Variants in IL3RA observed in about 807,000 individuals in gnomAD.
The protein encoded by IL3RA is interleukin 3 receptor subunit alpha, also known as interleukin-3 receptor subunit alpha.
In IL3RA, 73 loss-of-function variants were observed where a neutral mutation model predicts 52.3. That is an observed-to-expected ratio of 1.40 (90% CI 1.16 to 1.70). The LOEUF (loss-of-function observed/expected upper bound fraction) is 1.70. Ranked by LOEUF, IL3RA falls within the 40% of genes most tolerant of loss-of-function variation. The pLI is 0.00. For synonymous variants in IL3RA, 260 were observed against 194.0 expected, an observed-to-expected ratio of 1.34 and a Z score of -2.83; for missense variants, 664 against 504.4, an observed-to-expected ratio of 1.32 and a Z score of -3.03.
rs566794090 is a variant in IL3RA at position 1,342,886 on chromosome X, C to G, written c.64+1057C>G. 7.3e-5 allele frequency among the ~76,000 whole-genome samples: 11 copies of G among 150,026 alleles called. No homozygotes were observed. The South Asian group carries it at 8.8e-4, about 12-fold the overall frequency. ...GGTCAGGAGTTCGTGACCAGCCTGA[C>G]TAACACGGTGAAACCCCGTCTCTAC... On this transcript the variant is annotated intron_variant, in intron 2 of 11. Coordinates refer to ENST00000331035, the MANE Select transcript of IL3RA (RefSeq NM_002183.4).
chrX:1,349,189 T>TC lies in IL3RA; in HGVS notation c.298+644_298+645insC, dbSNP rs2085963438. On this transcript the variant is annotated intron_variant, in intron 4 of 11. Transcript: ENST00000331035. ...TGCCCACCTAATTTTTTAAACACCT[T>TC]TTTTTTTTTTTAGACAGAGTCTCAC... 2.7e-5 allele frequency among the ~76,000 whole-genome samples: 4 copies of TC among 147,836 alleles called. No homozygotes were observed. The South Asian group carries it at 8.6e-4, about 32-fold the overall frequency.
Position 1,343,024 on chromosome X carries a change from T to A in IL3RA, c.64+1195T>A, listed in dbSNP as rs17886124. On this transcript the variant is annotated intron_variant, in intron 2 of 11. Transcript: ENST00000331035. ...CGGGAGGAGGAGGTTGCAGTGAGCC[T>A]AGATCACGCCATTGCACTCCAGCCT... Among the ~76,000 whole-genome samples, 332 of 150,926 alleles carry A rather than the reference T, an allele frequency of 2.2e-3. 1 individual carries two copies. The highest frequency in any genetic ancestry group is 6.7e-3 in the African/African-American group (275 of 41,236).
intron 2 of IL3RA, among the ~76,000 whole-genome samples, chrX:1,344,113 C>G (rs191910322): frequency 1.3e-5 from 2 of 152,138 alleles, no homozygotes; most frequent in Non-Finnish European, 2.9e-5. Context: ...CTTCTACCAG[C>G]TCACAGAAGT....
intron 7 of IL3RA, among the ~76,000 whole-genome samples, chrX:1,357,430 A>G (rs1321914969): frequency 6.6e-6 from 1 of 151,822 alleles, no homozygotes; most frequent in Middle Eastern, 3.2e-3. Flanking sequence ...GCATGATCTC[A>G]GCTCACTGTA....
At chrX:1,373,972 C>T (rs1240057709) in intron 9 of IL3RA, among the ~76,000 whole-genome samples, 1 of 32,694 alleles carries the variant, frequency 3.1e-5, no homozygotes, top group Non-Finnish European at 4.6e-5. Flanking sequence ...CTAAGCCGCC[C>T]AGCCTCTGGT....
At chrX:1,339,326 C>A (rs2085403666) in intron 1 of IL3RA, among the ~76,000 whole-genome samples, 1 of 152,098 alleles carries the variant, frequency 6.6e-6, no homozygotes, top group Non-Finnish European at 1.5e-5. Context: ...GGCTGCGGTC[C>A]CTCTGCCCAG....
intron 3 of IL3RA, among the ~76,000 whole-genome samples, chrX:1,345,638 CGCCACCATGCCCG>C (rs1468042661): frequency 1.3e-5 from 2 of 151,578 alleles, no homozygotes; most frequent in Non-Finnish European, 2.9e-5. Context: ...TACAGGCGCC[CGCCACCATGCCCG>C]GCTAATTTTT....
chrX:1,378,809 G>A (rs1471094726), intron 10 of IL3RA, 45 bp downstream of exon 10: 1 of 1,502,246 alleles, frequency 6.7e-7, no homozygotes, highest in Non-Finnish European at 9.3e-7. Flanking sequence ...TTTCCAGTGT[G>A]ACCCTGAAAG....
intron 3 of IL3RA, among the ~76,000 whole-genome samples, chrX:1,348,214 G>C (rs1222302924): frequency 6.6e-6 from 1 of 150,742 alleles, no homozygotes; most frequent in South Asian, 2.1e-4. Flanking sequence ...TTAGCTGGGC[G>C]TGGTGGCGGG....
In IL3RA at chrX:1,345,402, G is replaced by A. The variant is rs189735318; in HGVS notation, c.151G>A (p.Glu51Lys). The A allele has an allele frequency of 3.0e-5, 49 of 1,609,300 alleles. No individual in the cohort carries two copies. Among genetic ancestry groups the A allele is most frequent in the Middle Eastern group, 1.7e-4 (1 of 6,038 alleles). Residue 51 changes from glutamate (E) to lysine (K), a missense_variant, in exon 3 of 12, where the codon GAG becomes AAG. Coordinates refer to ENST00000331035, the MANE Select transcript of IL3RA (RefSeq NM_002183.4). ...WDLNRNVTDI[E>K]CVKDADYSMP... ...CCTTAACAGAAATGTGACCGATATC[G>A]AGTGTGTTAAAGACGCCGACTATTC... is the stretch of plus-strand genomic sequence containing the variant.
intron 11 of IL3RA, among the ~76,000 whole-genome samples, chrX:1,381,393 C>G (rs1406014461): frequency 1.3e-5 from 2 of 152,072 alleles, no homozygotes; most frequent in African/African-American, 4.8e-5. Context: ...GTGAAATGGC[C>G]TGGACTAGGA....
At chrX:1,343,242 C>T (rs1207767611) in intron 2 of IL3RA, among the ~76,000 whole-genome samples, 2 of 152,036 alleles carry the variant, frequency 1.3e-5, no homozygotes, top group Non-Finnish European at 2.9e-5. Flanking sequence ...CCTTGATAAC[C>T]ACTCAAGATC....
At chrX:1,348,036 CAA>C (rs372200553) in intron 3 of IL3RA, among the ~76,000 whole-genome samples, 3 of 100,522 alleles carry the variant, frequency 3.0e-5, no homozygotes, top group African/African-American at 1.3e-4. Flanking sequence ...GACTCCCTCT[CAA>C]AAAAAAAAAA....
chrX:1,341,668 A>C, intron 1 of IL3RA, 60 bp from the exon 2 acceptor site: 10 of 1,390,276 alleles, frequency 7.2e-6, no homozygotes, highest in Non-Finnish European at 1.0e-5. Context: ...AGCATCCTTC[A>C]TTACCCGCAA....
At chrX:1,347,309 T>C (rs2085788028) in intron 3 of IL3RA, among the ~76,000 whole-genome samples, 7 of 151,042 alleles carry the variant, frequency 4.6e-5, no homozygotes, top group Admixed American at 4.6e-4. Flanking sequence ...CCGGGCGTGG[T>C]GGCTGGTGCC....
Position 1,365,237 on chromosome X carries a change from AC to A in IL3RA, c.865del (p.Gln289SerfsTer21), listed in dbSNP as rs750132808. 13 of 1,588,326 alleles carry A rather than the reference AC, an allele frequency of 8.2e-6. No individual in the cohort carries two copies. The highest frequency in any genetic ancestry group is 4.1e-5 in the African/African-American group (3 of 72,608). ...GTATGAATTCTTGAGCGCCTGGAGC[AC>A]CCCCCAGCGCTTCGGTGAGTGGGCT... ...RVYEFLSAWS[T>X]PQRFECDQEE... On this transcript the variant is annotated frameshift_variant, in exon 9 of 12. Transcript: ENST00000331035. LOFTEE classifies it high-confidence loss of function.
intron 8 of IL3RA, among the ~76,000 whole-genome samples, chrX:1,362,006 C>T (rs1473634406): frequency 4.0e-5 from 6 of 151,564 alleles, no homozygotes; most frequent in Admixed American, 1.3e-4. Flanking sequence ...TTCTGTTTTC[C>T]TCTCTGTCTC....
At chrX:1,344,907 A>C (rs1352575812) in intron 2 of IL3RA, among the ~76,000 whole-genome samples, 11 of 150,742 alleles carry the variant, frequency 7.3e-5, no homozygotes, top group South Asian at 4.2e-4. Flanking sequence ...TCATGCCTGT[A>C]ATCCCAGCAC....
intron 7 of IL3RA, among the ~76,000 whole-genome samples, chrX:1,357,640 G>C (rs1450741797): frequency 6.6e-6 from 1 of 151,812 alleles, no homozygotes; most frequent in Non-Finnish European, 1.5e-5. Flanking sequence ...GGGATTACAG[G>C]CGTGAGGCAC....
Sources: gnomAD v4.1 joint callset for allele counts (sites outside exome capture counted in the v4.1 genomes callset) on GRCh38, gnomAD v4.1.1 for gene constraint, MANE v1.5 for transcripts, NCBI Gene and HGNC (gene_info 2026-07-23, HGNC 2026-07-21) for gene names.